Variants in ZNF652 observed in about 807,000 individuals in gnomAD.
The protein encoded by ZNF652 is zinc finger protein 652.
Under a neutral mutation model 45.2 loss-of-function variants are expected in ZNF652, and 16 were observed. The observed-to-expected ratio is 0.35, with a 90% CI of 0.24 to 0.54. The LOEUF is 0.54. ZNF652 is among the 20% of genes least tolerant of loss of function. The pLI is 0.91. For synonymous variants in ZNF652, 250 were observed against 260.6 expected, an observed-to-expected ratio of 0.96 and a Z score of 0.39; for missense variants, 614 against 765.6, an observed-to-expected ratio of 0.80 and a Z score of 2.34.
At chr17:49,318,648 G>A (rs1257752251) in intron 1 of ZNF652, among the ~76,000 whole-genome samples, 1 of 151,984 alleles carries the variant, frequency 6.6e-6, no homozygotes, top group East Asian at 1.9e-4. Context: ...CAAAATATAC[G>A]GTCTCTATCC....
At chr17:49,354,785 G>A (rs527961737) in intron 1 of ZNF652, among the ~76,000 whole-genome samples, 2 of 151,916 alleles carry the variant, frequency 1.3e-5, no homozygotes, top group African/African-American at 2.4e-5. Flanking sequence ...GAGTGCAGTG[G>A]TGCAATCTTG....
At chr17:49,318,493 T>C (rs1186708620) in intron 1 of ZNF652, among the ~76,000 whole-genome samples, 1 of 152,240 alleles carries the variant, frequency 6.6e-6, no homozygotes, top group Non-Finnish European at 1.5e-5. Context: ...CTATAAATTT[T>C]ACAACAGCAA....
chr17:49,313,999 A>AAAAAAAAAAAAAAAG (rs2069760009), intron 2 of ZNF652, among the ~76,000 whole-genome samples: 1 of 134,252 alleles, frequency 7.4e-6, no homozygotes, highest in African/African-American at 2.7e-5. Context: ...AAAAAAAAAA[A>AAAAAAAAAAAAAAAG]AAAAAAAAAA....
intron 1 of ZNF652, among the ~76,000 whole-genome samples, chr17:49,349,674 G>A (rs2070249452): frequency 6.6e-6 from 1 of 152,138 alleles, no homozygotes; most frequent in South Asian, 2.1e-4. Context: ...GTAAACAAAA[G>A]TTGGCTATTT....
In ZNF652 at chr17:49,297,330, C is replaced by T. The variant is rs760515915; in HGVS notation, c.*1083G>A. 21 of 152,592 alleles carry T rather than the reference C, an allele frequency of 1.4e-4. No individual in the cohort carries two copies. Among genetic ancestry groups the T allele is most frequent in the Non-Finnish European group, 2.1e-4 (14 of 68,020 alleles). The allele number at this position is 152,592 out of a possible 1,614,324, so 9.5% of individuals were successfully genotyped here. A position where few individuals can be genotyped will look rare whatever the true frequency, so the allele number is the denominator to read the frequency against. On this transcript the variant is annotated 3_prime_UTR_variant, in exon 6 of 6. Transcript: ENST00000430262. Reference sequence around the variant, plus strand: ...ATTCCTAAGGGAAGTGAGAAACAGACGTGACTGAGATGAAATGATCTCCAC... The same window carrying T: ...ATTCCTAAGGGAAGTGAGAAACAGATGTGACTGAGATGAAATGATCTCCAC...
At chr17:49,339,312 T>TATTC (rs1491079799) in intron 1 of ZNF652, among the ~76,000 whole-genome samples, 1 of 7,060 alleles carries the variant, frequency 1.4e-4, no homozygotes, top group Non-Finnish European at 2.7e-4. Flanking sequence ...AAGTGATTCT[T>TATTC]TTTTTTTTTT....
Position 49,358,064 on chromosome 17 carries a change from GATC to G in ZNF652, c.-259+3842_-259+3844del, listed in dbSNP as rs140799970. 5.5e-3 allele frequency among the ~76,000 whole-genome samples: 836 copies of G among 152,256 alleles called. 3 individuals are homozygous for G. Among genetic ancestry groups the G allele is most frequent in the African/African-American group, 0.019 (795 of 41,546 alleles). The stretch of plus-strand genomic sequence containing the variant: ...CTAACATGTATTGAGTCTCTAATAT[GATC>G]ATATGCCAGGAACTGCTAGGAGTTT... On this transcript the variant is annotated intron_variant, in intron 1 of 5. Transcript: ENST00000430262.
chr17:49,309,172 A>C (rs1469796346), intron 5 of ZNF652, among the ~76,000 whole-genome samples: 2 of 151,826 alleles, frequency 1.3e-5, no homozygotes, highest in East Asian at 3.9e-4. Flanking sequence ...GTGTGTGAAT[A>C]TGACACAACT....
chr17:49,295,937 C>CAAAAAAAAAAA lies in ZNF652; in HGVS notation c.*2465_*2475dup, dbSNP rs147522359. 6.0e-4 allele frequency: 31 copies of CAAAAAAAAAAA among 51,256 alleles called. 1 individual carries two copies. Among genetic ancestry groups the CAAAAAAAAAAA allele is most frequent in the Admixed American group, 1.1e-3 (4 of 3,742 alleles). 3.2% of individuals were successfully genotyped at this position (51,256 alleles called of 1,614,324 possible). Reference sequence around the variant, plus strand: ...CAGGCAACAGAACAAGACTCTGCCTCAAAAAAAAAAAAAAAAAAAAAAAAA... The same window carrying CAAAAAAAAAAA: ...CAGGCAACAGAACAAGACTCTGCCTCAAAAAAAAAAAAAAAAAAAAAAAAAAAAAAAAAAAA... On this transcript the variant is annotated 3_prime_UTR_variant, in exon 6 of 6. Transcript: ENST00000430262.
intron 1 of ZNF652, among the ~76,000 whole-genome samples, chr17:49,356,181 A>T (rs1294433071): frequency 6.6e-6 from 1 of 151,978 alleles, no homozygotes; most frequent in Non-Finnish European, 1.5e-5. Flanking sequence ...TAATCTCAGC[A>T]CTTTGGGAGG....
intron 2 of ZNF652, among the ~76,000 whole-genome samples, chr17:49,313,449 G>C (rs1007144858): frequency 3.9e-5 from 6 of 151,992 alleles, no homozygotes; most frequent in African/African-American, 1.5e-4. Flanking sequence ...GAGTCACCAA[G>C]CCCAGCCAAG....
intron 1 of ZNF652, among the ~76,000 whole-genome samples, chr17:49,358,251 T>G (rs1232247297): frequency 6.6e-6 from 1 of 152,102 alleles, no homozygotes; most frequent in Non-Finnish European, 1.5e-5. Context: ...ATCATCTATC[T>G]CCATGAGCCT....
chr17:49,296,187 C>T lies in ZNF652; in HGVS notation c.*2226G>A, dbSNP rs1360038141. 6.6e-6 allele frequency: 1 copy of T among 152,004 alleles called. No individual in the cohort carries two copies. The highest frequency in any genetic ancestry group is 1.5e-5 in the Non-Finnish European group (1 of 68,008). 9.4% of individuals were successfully genotyped at this position (152,004 alleles called of 1,614,324 possible). On this transcript the variant is annotated 3_prime_UTR_variant, in exon 6 of 6. Coordinates refer to ENST00000430262, the MANE Select transcript of ZNF652 (RefSeq NM_001145365.3). ...TTAACTTTCCTTATTGGCTTGGGTA[C>T]CTGGGTGCTCAAAGAATGTGTACAA...
chr17:49,357,236 T>C (rs1474921134), intron 1 of ZNF652, among the ~76,000 whole-genome samples: 1 of 151,436 alleles, frequency 6.6e-6, no homozygotes, highest in Admixed American at 6.6e-5. Context: ...GAGAAGGAGG[T>C]TGCAGTGAGC....
intron 5 of ZNF652, among the ~76,000 whole-genome samples, chr17:49,310,122 T>G (rs1174899571): frequency 1.3e-5 from 2 of 152,064 alleles, no homozygotes; most frequent in Non-Finnish European, 2.9e-5. Context: ...CCCGGCTAAT[T>G]TTTTGTATTT....
At chr17:49,356,301 C>T (rs1175112448) in intron 1 of ZNF652, among the ~76,000 whole-genome samples, 2 of 151,450 alleles carry the variant, frequency 1.3e-5, no homozygotes, top group Non-Finnish European at 2.9e-5. Context: ...GTGGCAGGCG[C>T]CTGTAATCCC....
At chr17:49,341,796 C>T (rs2070150053) in intron 1 of ZNF652, among the ~76,000 whole-genome samples, 2 of 152,268 alleles carry the variant, frequency 1.3e-5, no homozygotes, top group South Asian at 4.1e-4. Flanking sequence ...TACTAAACCA[C>T]AAAAGCCCAG....
chr17:49,339,056 G>C (rs749182571), intron 1 of ZNF652, among the ~76,000 whole-genome samples: 4 of 152,092 alleles, frequency 2.6e-5, no homozygotes, highest in Non-Finnish European at 5.9e-5. Flanking sequence ...AGACTTGGGC[G>C]GACTTCTGGA....
rs1393127917 is a variant in ZNF652, at chr17:49,312,914, C to G, written c.901-69G>C. On this transcript the variant is annotated intron_variant, in intron 2 of 5. Transcript: ENST00000430262. ...ATGCCATACCAGCCTACTGGCAGAC[C>G]AAACGGATGTGCTTTAGGTTCATGG... 5 of 1,502,302 alleles carry G rather than the reference C, an allele frequency of 3.3e-6. No individual in the cohort carries two copies. The African/African-American group carries it at 7.0e-5, about 21-fold the overall frequency. The allele number at this position is 1,502,302 out of a possible 1,614,324, so 93.1% of individuals were successfully genotyped here.
Sources: allele counts gnomAD v4.1 joint callset (sites outside exome capture counted in the v4.1 genomes callset), GRCh38; gene constraint gnomAD v4.1.1; transcripts MANE v1.5; gene names NCBI Gene and HGNC (gene_info 2026-07-23, HGNC 2026-07-21).